SLC2A8: variants seen among roughly 807,000 people sequenced by gnomAD.
The protein encoded by SLC2A8 is solute carrier family 2, facilitated glucose transporter member 8.
Under a neutral mutation model 49.2 loss-of-function variants are expected in SLC2A8, and 53 were observed. The ratio of observed to expected loss-of-function variants is 1.08; its 90% CI spans 0.86 to 1.35. SLC2A8 has a LOEUF of 1.35. Ranked by LOEUF, SLC2A8 falls within the 40% of genes most tolerant of loss-of-function variation. SLC2A8 has a pLI of 0.00. For missense variants in SLC2A8, 688 were observed against 671.7 expected, an observed-to-expected ratio of 1.02 and a Z score of -0.27; for synonymous variants, 299 against 297.0, an observed-to-expected ratio of 1.01 and a Z score of -0.07.
chr9:127,400,136 C>T lies in SLC2A8; in HGVS notation c.526+130C>T, dbSNP rs926360355. ...TAGCCAGTGCCCAACATGCCAGGCT[C>T]GCCTTCCTGGGACCTTGGGATAGGT... On this transcript the variant is annotated intron_variant, in intron 4 of 9. Coordinates refer to ENST00000373371, the MANE Select transcript of SLC2A8 (RefSeq NM_014580.5). 2.4e-5 allele frequency: 15 copies of T among 617,408 alleles called. No homozygotes were observed. In the Middle Eastern group the frequency reaches 1.3e-3, roughly 55 times the overall value. 38.2% of individuals were successfully genotyped at this position (617,408 alleles called of 1,614,324 possible). A position where few individuals can be genotyped will look rare whatever the true frequency, so the allele number is the denominator to read the frequency against.
intron 4 of SLC2A8, among the ~76,000 whole-genome samples, chr9:127,401,774 A>G (rs936850562): frequency 2.0e-5 from 3 of 152,192 alleles, no homozygotes; most frequent in Non-Finnish European, 4.4e-5. Flanking sequence ...ACTTCATAGA[A>G]CAATTGTCTG....
intron 8 of SLC2A8, 39 bp from the exon 9 acceptor site, chr9:127,405,381 C>T (rs535052573): frequency 2.7e-5 from 44 of 1,603,976 alleles, no homozygotes; most frequent in Admixed American, 1.7e-4. Context: ...CCCAGCCCTG[C>T]GGACCCTGAT....
At chr9:127,398,577 C>T (rs1833141197) in intron 3 of SLC2A8, among the ~76,000 whole-genome samples, 1 of 152,202 alleles carries the variant, frequency 6.6e-6, no homozygotes, top group African/African-American at 2.4e-5. Context: ...GTTCCCCTTC[C>T]CTTCTCACAG....
In SLC2A8 at chr9:127,397,191, T is replaced by G. The variant is rs1183868503; in HGVS notation, c.-40T>G. On this transcript the variant is annotated 5_prime_UTR_variant, in exon 1 of 10. Transcript: ENST00000373371. The stretch of plus-strand genomic sequence containing the variant: ...GCCGCACTCGCAGGGCCCGTGGCGG[T>G]TCAGGCGCCAGAGCTGGCCGATCGG... 2.8e-6 allele frequency: 4 copies of G among 1,443,494 alleles called. No homozygotes were observed. Among genetic ancestry groups the G allele is most frequent in the Non-Finnish European group, 3.6e-6 (4 of 1,106,996 alleles). 89.4% of individuals were successfully genotyped at this position (1,443,494 alleles called of 1,614,324 possible). A position where few individuals can be genotyped will look rare whatever the true frequency, so the allele number is the denominator to read the frequency against.
rs1281762547 is a variant in SLC2A8, at chr9:127,399,473, G to T, written c.427-434G>T. ...GCAGGTTCCACTAAGGGGCTTCAGG[G>T]CCTGCCGTAACCCCCTGCAAGGACT... On this transcript the variant is annotated intron_variant, in intron 3 of 9. Transcript: ENST00000373371. The surrounding 1 kb of genome is among the most constrained non-coding windows in gnomAD (Gnocchi z 4.2). Among the ~76,000 whole-genome samples, 1 of 152,218 alleles carries T rather than the reference G, an allele frequency of 6.6e-6. No individual in the cohort carries two copies. The highest frequency in any genetic ancestry group is 1.9e-4 in the East Asian group (1 of 5,188).
At chr9:127,397,578 C>G in intron 2 of SLC2A8, 40 bp downstream of exon 2, 1 of 1,369,000 alleles carries the variant, frequency 7.3e-7, no homozygotes, top group Non-Finnish European at 9.3e-7. Flanking sequence ...TGGGACCCCA[C>G]GCCCTCCTCT....
chr9:127,406,736 G>A (rs949555289), intron 9 of SLC2A8, among the ~76,000 whole-genome samples: 4 of 112,834 alleles, frequency 3.5e-5, no homozygotes, highest in Admixed American at 1.7e-4. Context: ...AGAACCCACC[G>A]GGGGCCTCAG....
intron 5 of SLC2A8, 169 bp from the exon 6 acceptor site, chr9:127,403,491 T>G: frequency 1.4e-6 from 1 of 725,478 alleles, no homozygotes; most frequent in South Asian, 1.7e-5. Context: ...ACCTGACACA[T>G]GGGGAGGCTG....
Position 127,404,865 on chromosome 9 carries a change from C to A in SLC2A8, c.1024C>A (p.Leu342Met). ...GAGTGCCTTCGGCGCCTACTTCAAGCTGACCCAGGGTGGCCCTGGCAACTC... is the reference window on the plus strand; with the variant it reads ...GAGTGCCTTCGGCGCCTACTTCAAGATGACCCAGGGTGGCCCTGGCAACTC... ...STSAFGAYFK[L>M]TQGGPGNSSH... The change falls in exon 8 of 10, where the codon CTG (leucine) becomes ATG (methionine). Residue 342 changes from leucine to methionine, a missense_variant. Transcript: ENST00000373371. 1 of 1,612,750 alleles carries A rather than the reference C, an allele frequency of 6.2e-7. No homozygotes were observed. Among genetic ancestry groups the A allele is most frequent in the East Asian group, 2.2e-5 (1 of 44,876 alleles).
chr9:127,397,808 C>T, intron 2 of SLC2A8, 97 bp from the exon 3 acceptor site: 1 of 1,284,748 alleles, frequency 7.8e-7, no homozygotes. Context: ...GGGCGCGGGG[C>T]CCCGGCTCTT....
rs1444527336 is a variant in SLC2A8, at chr9:127,407,809, T to G, written c.*560T>G. On this transcript the variant is annotated 3_prime_UTR_variant, in exon 10 of 10. Transcript: ENST00000373371. ...TGAGAAGTCATTTCTGGCTACTTCC[T>G]TGGGCTCAGTTCCCTGGGTCATCAG... The G allele has an allele frequency of 6.4e-6, 1 of 156,084 alleles. No individual in the cohort carries two copies. Among genetic ancestry groups the G allele is most frequent in the Non-Finnish European group, 1.4e-5 (1 of 70,304 alleles). 9.7% of individuals were successfully genotyped at this position (156,084 alleles called of 1,614,324 possible).
In SLC2A8 at chr9:127,397,211, G is replaced by T; in HGVS notation, c.-20G>T. On this transcript the variant is annotated 5_prime_UTR_variant, in exon 1 of 10. Coordinates refer to ENST00000373371, the MANE Select transcript of SLC2A8 (RefSeq NM_014580.5). Reference sequence around the variant, plus strand: ...GGCGGTTCAGGCGCCAGAGCTGGCCGATCGGCGTTGGCCGCCGACATGACG... The same window carrying T: ...GGCGGTTCAGGCGCCAGAGCTGGCCTATCGGCGTTGGCCGCCGACATGACG... 2 of 1,454,344 alleles carry T rather than the reference G, an allele frequency of 1.4e-6. No homozygotes were observed. Among genetic ancestry groups the T allele is most frequent in the Non-Finnish European group, 1.8e-6 (2 of 1,111,468 alleles). The allele number at this position is 1,454,344 out of a possible 1,614,324, so 90.1% of individuals were successfully genotyped here.
At chr9:127,405,989 G>A (rs1338256661) in intron 9 of SLC2A8, 1 of 524,556 alleles carries the variant, frequency 1.9e-6, no homozygotes, top group Non-Finnish European at 3.8e-6. Flanking sequence ...AGTAACAGCA[G>A]CTTGCTCTTA....
rs747990536 is a variant in SLC2A8 at position 127,402,700 on chromosome 9, T to C, written c.670T>C (p.Phe224Leu). 3 of 1,564,748 alleles carry C rather than the reference T, an allele frequency of 1.9e-6. No individual in the cohort carries two copies. In the African/African-American group the frequency reaches 4.1e-5, roughly 21 times the overall value. Residue 224 changes from phenylalanine to leucine, a missense_variant, in exon 5 of 10, where the codon TTC (phenylalanine) becomes CTC (leucine). Phe to Leu is a conservative substitution (Grantham distance 22, BLOSUM62 0). Coordinates refer to ENST00000373371, the MANE Select transcript of SLC2A8 (RefSeq NM_014580.5). Reference sequence around the variant, plus strand: ...CCAGGAGGCCATGGCCGCCCTGCGGTTCCTGTGGGGCTCCGAGCAGGGCTG... The same window carrying C: ...CCAGGAGGCCATGGCCGCCCTGCGGCTCCTGTGGGGCTCCGAGCAGGGCTG... ...RRQEAMAALR[F>L]LWGSEQGWED...
Position 127,407,396 on chromosome 9 carries a change from C to A in SLC2A8, c.*147C>A. ...CCTTCCTGTCATGCTCCCTCCAGCCCATGACCCGGGGCTAGGAGGCTCACT... is the reference window on the plus strand; with the variant it reads ...CCTTCCTGTCATGCTCCCTCCAGCCAATGACCCGGGGCTAGGAGGCTCACT... On this transcript the variant is annotated 3_prime_UTR_variant, in exon 10 of 10. Transcript: ENST00000373371. 9.7e-7 allele frequency: 1 copy of A among 1,033,090 alleles called. No homozygotes were observed. The allele number at this position is 1,033,090 out of a possible 1,614,324, so 64.0% of individuals were successfully genotyped here.
At position 127,405,531 on chromosome 9, in the gene SLC2A8, C is replaced by A; in HGVS notation, c.1262C>A (p.Ala421Asp). 1 of 1,613,260 alleles carries A rather than the reference C, an allele frequency of 6.2e-7. No individual in the cohort carries two copies. Among genetic ancestry groups the A allele is most frequent in the East Asian group, 2.2e-5 (1 of 44,886 alleles). ...GICVLTNWLM[A>D]FLVTKEFSSL... is the part of the protein sequence containing the mutation. Reference sequence around the variant, plus strand: ...TGCGTCCTCACCAACTGGCTCATGGCCTTTCTCGTGACCAAGGAGTTCAGC... The same window carrying A: ...TGCGTCCTCACCAACTGGCTCATGGACTTTCTCGTGACCAAGGAGTTCAGC... Residue 421 changes from alanine (A) to aspartate (D), a missense_variant, in exon 9 of 10, where the codon GCC (alanine) becomes GAC (aspartate). By Grantham distance (126) the Ala-to-Asp change is moderately radical. Transcript: ENST00000373371.
At chr9:127,401,181 C>T (rs1337470204) in intron 4 of SLC2A8, among the ~76,000 whole-genome samples, 14 of 152,212 alleles carry the variant, frequency 9.2e-5, no homozygotes. Context: ...GTGACCTTGG[C>T]CAAGTCATAC....
chr9:127,399,919 G>A lies in SLC2A8; in HGVS notation c.439G>A (p.Glu147Lys), dbSNP rs201573019. Residue 147 changes from glutamate to lysine, a missense_variant, in exon 4 of 10, where the codon GAA becomes AAA. Transcript: ENST00000373371. The surrounding 1 kb of genome is among the most constrained non-coding windows in gnomAD (Gnocchi z 4.2). ...ASLVAPVYIS[E>K]IAYPAVRGLL... ...TGATTGCTGGCAGGTCTACATCTCC[G>A]AAATCGCCTACCCAGCAGTCCGGGG... 3.5e-5 allele frequency: 57 copies of A among 1,613,600 alleles called. No individual in the cohort carries two copies. The highest frequency in any genetic ancestry group is 1.6e-4 in the Middle Eastern group (1 of 6,062).
intron 9 of SLC2A8, 30 bp from the exon 10 acceptor site, chr9:127,407,082 G>C (rs200998460): frequency 1.2e-6 from 2 of 1,610,942 alleles, no homozygotes; most frequent in South Asian, 2.2e-5. Flanking sequence ...CTCTCCCCGC[G>C]TCCACCCATG....
Sources: allele counts gnomAD v4.1 joint callset (sites outside exome capture counted in the v4.1 genomes callset), GRCh38; gene constraint gnomAD v4.1.1; non-coding constraint Gnocchi (gnomAD v3.1); transcripts MANE v1.5; gene names NCBI Gene and HGNC (gene_info 2026-07-23, HGNC 2026-07-21).